Variants in SCLT1 observed in about 807,000 individuals in gnomAD.
The protein encoded by SCLT1 is sodium channel and clathrin linker 1.
Under a neutral mutation model 112.8 loss-of-function variants are expected in SCLT1, and 78 were observed. That is an observed-to-expected ratio of 0.69 (90% CI 0.58 to 0.83). The LOEUF (loss-of-function observed/expected upper bound fraction) is 0.83, where lower values mean the gene tolerates loss of function less well. Ranked by LOEUF, SCLT1 falls within the 40% of genes least tolerant of loss-of-function variation. The pLI, the probability that SCLT1 is intolerant of heterozygous loss-of-function variation, is 0.00. For synonymous variants in SCLT1, 257 were observed against 254.7 expected (o/e 1.01, Z -0.09); for missense variants, 747 against 770.4 (o/e 0.97, Z 0.36).
intron 5 of SCLT1, among the ~76,000 whole-genome samples, chr4:129,016,007 C>G (rs1744957964): frequency 6.6e-6 from 1 of 152,078 alleles, no homozygotes; most frequent in African/African-American, 2.4e-5. Flanking sequence ...AATATTTCTT[C>G]TAAATTAAGT....
At chr4:129,075,330 C>T (rs757867403) in intron 2 of SCLT1, among the ~76,000 whole-genome samples, 2 of 152,078 alleles carry the variant, frequency 1.3e-5, no homozygotes, top group South Asian at 2.1e-4. Context: ...TTAATCCTTT[C>T]GTTTATATCA....
At chr4:128,919,478 A>G (rs532830394) in intron 18 of SCLT1, among the ~76,000 whole-genome samples, 6 of 152,172 alleles carry the variant, frequency 3.9e-5, no homozygotes, top group Admixed American at 2.0e-4. Context: ...AAAGACCTCA[A>G]ATTAACAACT....
chr4:129,030,214 G>A (rs971157310), intron 5 of SCLT1, among the ~76,000 whole-genome samples: 16 of 152,080 alleles, frequency 1.1e-4, no homozygotes, highest in Non-Finnish European at 2.4e-4. Context: ...AATGACTACT[G>A]CGTAAATAAC....
chr4:128,894,619 C>T (rs574615706), intron 18 of SCLT1, among the ~76,000 whole-genome samples: 1 of 152,262 alleles, frequency 6.6e-6, no homozygotes, highest in East Asian at 1.9e-4. Flanking sequence ...TTTATACTGA[C>T]ATCTCAGCCC....
At chr4:129,012,407 T>C (rs78359150) in intron 5 of SCLT1, among the ~76,000 whole-genome samples, 1 of 152,216 alleles carries the variant, frequency 6.6e-6, no homozygotes, top group African/African-American at 2.4e-5. Context: ...TTCTGTTCTT[T>C]TGCATTTGCT....
chr4:129,063,113 A>G (rs1423739108), intron 2 of SCLT1, among the ~76,000 whole-genome samples: 1 of 152,176 alleles, frequency 6.6e-6, no homozygotes, highest in Non-Finnish European at 1.5e-5. Flanking sequence ...ATTTCAAATG[A>G]CCTGCTTTCA....
rs1253487887 is a variant in SCLT1 at position 128,999,761 on chromosome 4, C to G, written c.460G>C (p.Val154Leu). ...TGTAGTCTGTCCAACTCCTGAGAAA[C>G]AGTCTGCCAGAGTTCCACAGCCTGA... ...KTQAVELWQTVSQELDRLHKL... is the reference protein window; with the variant it reads ...KTQAVELWQTLSQELDRLHKL... The change falls in exon 7 of 21, where the codon GTT (valine) becomes CTT (leucine). Residue 154 changes from valine (V) to leucine (L), a missense_variant. Physicochemically the swap from Val to Leu is conservative, Grantham distance 32. Transcript: ENST00000281142. The G allele has an allele frequency of 6.2e-7, 1 of 1,602,144 alleles. No homozygotes were observed. The highest frequency in any genetic ancestry group is 1.1e-5 in the South Asian group (1 of 89,610).
chr4:128,873,311 A>G (rs1233518837), intron 5 of SCLT1: 1 of 152,600 alleles, frequency 6.6e-6, no homozygotes, highest in Non-Finnish European at 1.5e-5. Context: ...AAAAAAGAGA[A>G]AAAAGCGAAA....
At chr4:129,085,243 G>A (rs1308880519) in intron 1 of SCLT1, among the ~76,000 whole-genome samples, 2 of 152,182 alleles carry the variant, frequency 1.3e-5, no homozygotes, top group Non-Finnish European at 2.9e-5. Context: ...CATATATGCG[G>A]TCAGCAAGCA....
intron 17 of SCLT1, among the ~76,000 whole-genome samples, chr4:128,938,501 C>T (rs892092107): frequency 2.6e-5 from 4 of 152,094 alleles, no homozygotes; most frequent in African/African-American, 9.7e-5. Context: ...CTCCTGAGGC[C>T]ACTTGACCCC....
chr4:128,986,016 C>CA (rs1390892715), intron 9 of SCLT1, among the ~76,000 whole-genome samples: 2 of 152,174 alleles, frequency 1.3e-5, no homozygotes, highest in South Asian at 2.1e-4. Flanking sequence ...TCATAAGAAC[C>CA]AAAAAATCAT....
At chr4:129,005,234 T>G (rs1019902099) in intron 5 of SCLT1, among the ~76,000 whole-genome samples, 1 of 152,180 alleles carries the variant, frequency 6.6e-6, no homozygotes, top group African/African-American at 2.4e-5. Context: ...ATTCCATCAT[T>G]TTCATCATAT....
At chr4:129,021,586 G>A (rs985470596) in intron 5 of SCLT1, among the ~76,000 whole-genome samples, 1 of 152,096 alleles carries the variant, frequency 6.6e-6, no homozygotes, top group Non-Finnish European at 1.5e-5. Flanking sequence ...GGCTGGGCGT[G>A]GCAAAGTGGC....
intron 18 of SCLT1, among the ~76,000 whole-genome samples, chr4:128,913,981 C>G (rs1162844379): frequency 6.6e-6 from 1 of 152,168 alleles, no homozygotes; most frequent in Admixed American, 6.5e-5. Context: ...CGCTCCTCAC[C>G]ACTGCCCACA....
chr4:129,075,341 T>G (rs1324341079), intron 2 of SCLT1, among the ~76,000 whole-genome samples: 1 of 152,168 alleles, frequency 6.6e-6, no homozygotes, highest in African/African-American at 2.4e-5. Context: ...GTTTATATCA[T>G]GAGGAGGTTA....
intron 5 of SCLT1, among the ~76,000 whole-genome samples, chr4:129,004,470 A>G (rs1179333684): frequency 1.3e-5 from 2 of 152,084 alleles, no homozygotes; most frequent in South Asian, 2.1e-4. Context: ...CTTAACATTA[A>G]GGTAAATTAC....
At chr4:129,009,354 A>G (rs1489245953) in intron 5 of SCLT1, among the ~76,000 whole-genome samples, 1 of 151,464 alleles carries the variant, frequency 6.6e-6, no homozygotes, top group African/African-American at 2.4e-5. Context: ...TACTAAATAA[A>G]TAAAAAAAAA....
In SCLT1 at chr4:129,092,965, T is replaced by C. The variant is rs1010934960; in HGVS notation, c.34+105A>G. 7 of 860,802 alleles carry C rather than the reference T, an allele frequency of 8.1e-6. 1 individual carries two copies. The highest frequency in any genetic ancestry group is 6.8e-5 in the African/African-American group (4 of 59,256). The allele number at this position is 860,802 out of a possible 1,614,324, so 53.3% of individuals were successfully genotyped here. A position where few individuals can be genotyped will look rare whatever the true frequency, so the allele number is the denominator to read the frequency against. On this transcript the variant is annotated intron_variant, in intron 1 of 20. Transcript: ENST00000281142. ...TTCCTGCAACTAACTTCTTTAACTC[T>C]TTACCAATTTAAATGTACCCAACCA...
intron 2 of SCLT1, among the ~76,000 whole-genome samples, chr4:129,048,977 A>G (rs532925005): frequency 6.6e-6 from 1 of 151,828 alleles, no homozygotes; most frequent in African/African-American, 2.4e-5. Context: ...AAGCCAGGAA[A>G]CAACAGGTGC....
Sources: allele counts gnomAD v4.1 joint callset (sites outside exome capture counted in the v4.1 genomes callset), GRCh38; gene constraint gnomAD v4.1.1; transcripts MANE v1.5; gene names NCBI Gene and HGNC (gene_info 2026-07-23, HGNC 2026-07-21).